Variants in ARHGAP44 observed in about 807,000 individuals in gnomAD.
The protein encoded by ARHGAP44 is Rho GTPase activating protein 44.
In ARHGAP44, 43 loss-of-function variants were observed where a neutral mutation model predicts 106.8. That is an observed-to-expected ratio of 0.40 (90% CI 0.32 to 0.52). The LOEUF (loss-of-function observed/expected upper bound fraction) is 0.52, where lower values mean the gene tolerates loss of function less well. Among genes scored for constraint, ARHGAP44 ranks in the 20% least tolerant of loss-of-function variants. The pLI is 0.48. For synonymous variants in ARHGAP44, 439 were observed against 410.3 expected, an observed-to-expected ratio of 1.07 and a Z score of -0.85; for missense variants, 866 against 1,050.5, an observed-to-expected ratio of 0.82 and a Z score of 2.43.
chr17:12,885,179 G>C (rs909199584), intron 1 of ARHGAP44, among the ~76,000 whole-genome samples: 1 of 152,180 alleles, frequency 6.6e-6, no homozygotes, highest in East Asian at 1.9e-4. Context: ...GATTACAGGC[G>C]TGAGCCATCG....
chr17:12,974,053 C>T, intron 17 of ARHGAP44, 36 bp from the exon 18 acceptor site: 1 of 1,540,882 alleles, frequency 6.5e-7, no homozygotes. Context: ...TCATCTGTTA[C>T]GCGTGGGTAA....
rs986761689 is a variant in ARHGAP44 at position 12,789,711 on chromosome 17, C to A, written c.-128C>A. The A allele has an allele frequency of 2.8e-5, 23 of 808,542 alleles. No individual in the cohort carries two copies. The highest frequency in any genetic ancestry group is 4.4e-5 in the Admixed American group (1 of 22,678). The allele number at this position is 808,542 out of a possible 1,614,324, so 50.1% of individuals were successfully genotyped here. A position where few individuals can be genotyped will look rare whatever the true frequency, so the allele number is the denominator to read the frequency against. ...GGAGCTGCGCGCGGGCCAGACGGCG[C>A]CCGGAGGCTCCGCAGTGCCGCCGCC... On this transcript the variant is annotated 5_prime_UTR_variant, in exon 1 of 21. Coordinates refer to ENST00000379672, the MANE Select transcript of ARHGAP44 (RefSeq NM_014859.6).
At chr17:12,955,090 A>T (rs1013425405) in intron 13 of ARHGAP44, among the ~76,000 whole-genome samples, 1 of 152,250 alleles carries the variant, frequency 6.6e-6, no homozygotes, top group Admixed American at 6.5e-5. Flanking sequence ...TAGGCATTTC[A>T]TATAAGTGGA....
chr17:12,871,747 C>A (rs141076130), intron 1 of ARHGAP44, among the ~76,000 whole-genome samples: 1,577 of 152,226 alleles, frequency 0.01, 19 homozygotes, highest in Non-Finnish European at 0.014. Flanking sequence ...TGAATGAGTT[C>A]TCCTGAGATC....
At chr17:12,808,961 T>G (rs753749149) in intron 1 of ARHGAP44, among the ~76,000 whole-genome samples, 21 of 152,258 alleles carry the variant, frequency 1.4e-4, no homozygotes, top group Non-Finnish European at 2.4e-4. Context: ...CCAGGTTACC[T>G]CTTGAATGCT....
chr17:12,957,945 T>C (rs1168005004), intron 15 of ARHGAP44, among the ~76,000 whole-genome samples: 1 of 152,210 alleles, frequency 6.6e-6, no homozygotes, highest in African/African-American at 2.4e-5. Context: ...TGTCTTTCTT[T>C]TGCTTCATGT....
rs2040141439 is a variant in ARHGAP44 at position 12,991,362 on chromosome 17, T to TTTAA, written c.*1194_*1197dup. ...TATATATGAAATCTCTCTATATTTG[T>TTTAA]TTAATTTGAGCCATTCAATCTAAAC... On this transcript the variant is annotated 3_prime_UTR_variant, in exon 21 of 21. Transcript: ENST00000379672. 6.5e-6 allele frequency: 1 copy of TTTAA among 154,474 alleles called. No individual in the cohort carries two copies. Among genetic ancestry groups the TTTAA allele is most frequent in the Non-Finnish European group, 1.4e-5 (1 of 69,122 alleles). The allele number at this position is 154,474 out of a possible 1,614,324, so 9.6% of individuals were successfully genotyped here. A position where few individuals can be genotyped will look rare whatever the true frequency, so the allele number is the denominator to read the frequency against.
At chr17:12,853,921 C>A (rs2035832770) in intron 1 of ARHGAP44, among the ~76,000 whole-genome samples, 1 of 152,158 alleles carries the variant, frequency 6.6e-6, no homozygotes, top group African/African-American at 2.4e-5. Flanking sequence ...TCCCAATTCC[C>A]CATTTCCATG....
chr17:12,856,075 A>G (rs2035903102), intron 1 of ARHGAP44, among the ~76,000 whole-genome samples: 1 of 152,208 alleles, frequency 6.6e-6, no homozygotes. Flanking sequence ...GCAATGGGAG[A>G]TAAACCACTG....
At chr17:12,890,927 G>T (rs1198393320) in intron 1 of ARHGAP44, among the ~76,000 whole-genome samples, 1 of 152,066 alleles carries the variant, frequency 6.6e-6, no homozygotes, top group Admixed American at 6.6e-5. Context: ...AAAACCCTTG[G>T]GGATGGACAT....
Position 12,874,808 on chromosome 17 carries a change from G to T in ARHGAP44, c.54-20132G>T, listed in dbSNP as rs192750888. Among the ~76,000 whole-genome samples the T allele has an allele frequency of 2.6e-5, 4 of 152,114 alleles. No homozygotes were observed. The East Asian group carries it at 7.7e-4, about 29-fold the overall frequency. ...TTTAATAAGCAAGTGCAGGATACTT[G>T]CTATGCCAGGTGACTGTGCTGGGTG... On this transcript the variant is annotated intron_variant, in intron 1 of 20. Coordinates refer to ENST00000379672, the MANE Select transcript of ARHGAP44 (RefSeq NM_014859.6).
At chr17:12,821,857 A>G (rs977313092) in intron 1 of ARHGAP44, among the ~76,000 whole-genome samples, 3 of 152,190 alleles carry the variant, frequency 2.0e-5, no homozygotes, top group Non-Finnish European at 4.4e-5. Context: ...TCCTATAGGG[A>G]AAGGTAAGTA....
intron 1 of ARHGAP44, among the ~76,000 whole-genome samples, chr17:12,818,831 A>G (rs1272656372): frequency 6.6e-6 from 1 of 152,064 alleles, no homozygotes; most frequent in African/African-American, 2.4e-5. Context: ...CAATCTGTTT[A>G]TGATGTCATT....
At chr17:12,935,707 A>G (rs568236270) in intron 7 of ARHGAP44, among the ~76,000 whole-genome samples, 28 of 152,320 alleles carry the variant, frequency 1.8e-4, no homozygotes, top group African/African-American at 6.3e-4. Context: ...TAATGCAGGT[A>G]TGGAATCGAT....
chr17:12,974,299 C>T lies in ARHGAP44; in HGVS notation c.1752C>T (p.Pro584=), dbSNP rs1248214637. The T allele has an allele frequency of 3.5e-6, 5 of 1,434,800 alleles. No individual in the cohort carries two copies. Among genetic ancestry groups the T allele is most frequent in the South Asian group, 3.0e-5 (2 of 66,350 alleles). The allele number at this position is 1,434,800 out of a possible 1,614,324, so 88.9% of individuals were successfully genotyped here. ...CCGGCCTGGGCCTCCAGCCTGGGCC[C>T]GAGCGCACCAGGTAAGCGCGGGCCA... ...SPSGLGLQPG[P]ERTSTTKSKE... is the part of the protein sequence containing the mutation. The change falls in exon 18 of 21, where the codon CCC becomes CCT. Residue 584 remains proline, a synonymous_variant. Coordinates refer to ENST00000379672, the MANE Select transcript of ARHGAP44 (RefSeq NM_014859.6).
At chr17:12,894,806 T>A in intron 1 of ARHGAP44, 134 bp from the exon 2 acceptor site, 1 of 762,176 alleles carries the variant, frequency 1.3e-6, no homozygotes, top group Non-Finnish European at 2.1e-6. Flanking sequence ...TAGTTTTCTC[T>A]ATTCTCTTAT....
Position 12,958,196 on chromosome 17 carries a change from C to G in ARHGAP44, c.1343-521C>G, listed in dbSNP as rs2039174705. On this transcript the variant is annotated intron_variant, in intron 15 of 20. Coordinates refer to ENST00000379672, the MANE Select transcript of ARHGAP44 (RefSeq NM_014859.6). The surrounding 1 kb of genome is among the most constrained non-coding windows in gnomAD (Gnocchi z 4.1). ...GTATATCTCTTTGACAGCCAAAAAA[C>G]AACTTTAATGAAATCTATATTTCTA... 6.6e-6 allele frequency among the ~76,000 whole-genome samples: 1 copy of G among 152,204 alleles called. No individual in the cohort carries two copies. Among genetic ancestry groups the G allele is most frequent in the Admixed American group, 6.5e-5 (1 of 15,282 alleles).
At chr17:12,897,950 C>T (rs964896674) in intron 3 of ARHGAP44, among the ~76,000 whole-genome samples, 2 of 151,930 alleles carry the variant, frequency 1.3e-5, no homozygotes, top group Non-Finnish European at 2.9e-5. Flanking sequence ...AGTAAGGATA[C>T]ATTTGGATCC....
At chr17:12,973,127 TA>T in intron 16 of ARHGAP44, 174 bp from the exon 17 acceptor site, 1 of 639,118 alleles carries the variant, frequency 1.6e-6, no homozygotes, top group African/African-American at 1.8e-5. Flanking sequence ...CTTACACAAA[TA>T]GGAGAGTCAC....
Sources: allele counts gnomAD v4.1 joint callset (sites outside exome capture counted in the v4.1 genomes callset), GRCh38; gene constraint gnomAD v4.1.1; non-coding constraint Gnocchi (gnomAD v3.1); transcripts MANE v1.5; gene names NCBI Gene and HGNC (gene_info 2026-07-23, HGNC 2026-07-21).